CCNJ: variants seen among roughly 807,000 people sequenced by gnomAD.
CCNJ encodes cyclin-J.
Under a neutral mutation model 41.4 loss-of-function variants are expected in CCNJ, and 12 were observed. The observed-to-expected ratio is 0.29, with a 90% confidence interval of 0.19 to 0.47. The LOEUF is 0.47. CCNJ is among the 20% of genes least tolerant of loss of function. CCNJ has a pLI of 1.00. For synonymous variants in CCNJ, 161 were observed against 173.4 expected (o/e 0.93, Z 0.56); for missense variants, 340 against 464.6 (o/e 0.73, Z 2.47).
rs1043280283 is a variant in CCNJ at position 96,059,319 on chromosome 10, G to C, written c.*1078G>C. 1 of 152,634 alleles carries C rather than the reference G, an allele frequency of 6.6e-6. No individual in the cohort carries two copies. Among genetic ancestry groups the C allele is most frequent in the Non-Finnish European group, 1.5e-5 (1 of 68,034 alleles). 9.5% of individuals were successfully genotyped at this position (152,634 alleles called of 1,614,324 possible). ...TGCTAGAGCAGCACTTTGTTATGTG[G>C]AAGACAGGTTTTTTAAGCAACCTTT... On this transcript the variant is annotated 3_prime_UTR_variant, in exon 6 of 6. Transcript: ENST00000465148.
chr10:96,050,802 G>A (rs2080500140), intron 3 of CCNJ, among the ~76,000 whole-genome samples: 1 of 152,190 alleles, frequency 6.6e-6, no homozygotes, highest in Non-Finnish European at 1.5e-5. Flanking sequence ...GAGAACCATT[G>A]TCTTAAAGCA....
In CCNJ at chr10:96,058,588, G is replaced by A; in HGVS notation, c.*347G>A. The A allele has an allele frequency of 2.4e-6, 1 of 418,776 alleles. No homozygotes were observed. Among genetic ancestry groups the A allele is most frequent in the African/African-American group, 2.0e-5 (1 of 49,304 alleles). The allele number at this position is 418,776 out of a possible 1,614,324, so 25.9% of individuals were successfully genotyped here. A position where few individuals can be genotyped will look rare whatever the true frequency, so the allele number is the denominator to read the frequency against. On this transcript the variant is annotated 3_prime_UTR_variant, in exon 6 of 6. Coordinates refer to ENST00000465148, the MANE Select transcript of CCNJ (RefSeq NM_001134375.2). ...ACCTGTGGTAGCATCTGGGCCTAATGTTGGCTTCTAAGTCAAAGACTAAAT... is the reference window on the plus strand; with the variant it reads ...ACCTGTGGTAGCATCTGGGCCTAATATTGGCTTCTAAGTCAAAGACTAAAT...
In CCNJ at chr10:96,057,996, C is replaced by T; in HGVS notation, c.907C>T (p.His303Tyr). 6.2e-7 allele frequency: 1 copy of T among 1,614,132 alleles called. No individual in the cohort carries two copies. Among genetic ancestry groups the T allele is most frequent in the Non-Finnish European group, 8.5e-7 (1 of 1,180,006 alleles). Residue 303 changes from histidine (H) to tyrosine (Y), a missense_variant, in exon 6 of 6, where the codon CAT (histidine) becomes TAT (tyrosine). Around this residue, in one of 3 missense-constraint regions of CCNJ, gnomAD observed 159 missense variants for 168.2 expected, o/e 0.95. Transcript: ENST00000465148. ...ACATCAGACCTCACTGCAGTATCGCCATCCTACGTCAGAACAACCAAGCTG... is the reference window on the plus strand; with the variant it reads ...ACATCAGACCTCACTGCAGTATCGCTATCCTACGTCAGAACAACCAAGCTG... ...QTHQTSLQYR[H>Y]PTSEQPSCQQ... is the part of the protein sequence containing the mutation.
chr10:96,043,402 A>T, upstream of CCNJ: 1 of 365,676 alleles, frequency 2.7e-6, no homozygotes, highest in Non-Finnish European at 4.9e-6. Flanking sequence ...GCCGTGCGGG[A>T]TGCTGACCGT....
At chr10:96,043,865 G>C (rs957237884) in intron 1 of CCNJ, 146 bp downstream of exon 1, 5 of 380,872 alleles carry the variant, frequency 1.3e-5, no homozygotes, top group African/African-American at 1.0e-4. Flanking sequence ...CGTTTCTCGG[G>C]GCTCCCGGGG....
intron 3 of CCNJ, 94 bp from the exon 4 acceptor site, chr10:96,056,607 G>C (rs2080702592): frequency 1.1e-6 from 1 of 881,194 alleles, no homozygotes; most frequent in Admixed American, 2.5e-5. Flanking sequence ...TCTAAATCCT[G>C]GCAATAAGAC....
At chr10:96,052,007 T>C (rs963302050) in intron 3 of CCNJ, among the ~76,000 whole-genome samples, 2 of 152,176 alleles carry the variant, frequency 1.3e-5, no homozygotes, top group African/African-American at 2.4e-5. Flanking sequence ...TGAGCAAAAT[T>C]CTTAGAATAC....
intron 3 of CCNJ, among the ~76,000 whole-genome samples, chr10:96,051,052 T>C (rs1294477184): frequency 6.6e-6 from 1 of 152,224 alleles, no homozygotes; most frequent in African/African-American, 2.4e-5. Context: ...ACCATATTCT[T>C]ATATTAGAAT....
At chr10:96,056,457 T>C (rs1046929864) in intron 3 of CCNJ, among the ~76,000 whole-genome samples, 4 of 152,170 alleles carry the variant, frequency 2.6e-5, no homozygotes, top group Admixed American at 6.5e-5. Context: ...CATTCTATAC[T>C]AGAACACAGA....
chr10:96,043,445 C>A (rs998352438), upstream of CCNJ: 216 of 380,632 alleles, frequency 5.7e-4, 2 homozygotes, highest in East Asian at 8.1e-3. Context: ...CGCCGCCTGG[C>A]GCTGCACCTG....
chr10:96,045,284 T>C (rs1253773969), intron 2 of CCNJ, among the ~76,000 whole-genome samples: 2 of 152,186 alleles, frequency 1.3e-5, no homozygotes, highest in African/African-American at 2.4e-5. Context: ...TCCAAAATGA[T>C]CTCTAGCTTA....
chr10:96,058,274 C>G lies in CCNJ; in HGVS notation c.*33C>G, dbSNP rs760073541. 43 of 1,576,920 alleles carry G rather than the reference C, an allele frequency of 2.7e-5. No homozygotes were observed. Among genetic ancestry groups the G allele is most frequent in the Non-Finnish European group, 3.5e-5 (41 of 1,156,810 alleles). On this transcript the variant is annotated 3_prime_UTR_variant, in exon 6 of 6. Transcript: ENST00000465148. Reference sequence around the variant, plus strand: ...TGAAGCTGATAACCGACCCAGACTGCTTTGTGACATGAAGCTATGGGTAAG... The same window carrying G: ...TGAAGCTGATAACCGACCCAGACTGGTTTGTGACATGAAGCTATGGGTAAG...
rs921929084 is a variant in CCNJ, at chr10:96,052,095, C to A, written c.280+1629C>A. Reference sequence around the variant, plus strand: ...TCAGACACTTCACTCATCCCTCATCCCCCTACCCAGGAGCCAGAGAGGTAA... The same window carrying A: ...TCAGACACTTCACTCATCCCTCATCACCCTACCCAGGAGCCAGAGAGGTAA... On this transcript the variant is annotated intron_variant, in intron 3 of 5. Transcript: ENST00000465148. 3.8e-4 allele frequency among the ~76,000 whole-genome samples: 57 copies of A among 149,240 alleles called. 2 individuals are homozygous for A. Among genetic ancestry groups the A allele is most frequent in the African/African-American group, 1.3e-3 (54 of 40,464 alleles).
intron 3 of CCNJ, 114 bp from the exon 4 acceptor site, chr10:96,056,587 C>T (rs1023190131): frequency 5.4e-5 from 40 of 736,970 alleles, no homozygotes; most frequent in East Asian, 4.3e-4. Flanking sequence ...AAGGTAAGTA[C>T]GTCTTTGGAT....
At position 96,058,623 on chromosome 10, in the gene CCNJ, A is replaced by C; in HGVS notation, c.*382A>C. The C allele has an allele frequency of 2.5e-6, 1 of 405,682 alleles. No homozygotes were observed. The highest frequency in any genetic ancestry group is 4.1e-5 in the Admixed American group (1 of 24,162). The allele number at this position is 405,682 out of a possible 1,614,324, so 25.1% of individuals were successfully genotyped here. A position where few individuals can be genotyped will look rare whatever the true frequency, so the allele number is the denominator to read the frequency against. On this transcript the variant is annotated 3_prime_UTR_variant, in exon 6 of 6. Transcript: ENST00000465148. ...AAGTCAAAGACTAAATGTTTATCTC[A>C]TCTATGGACTTGCCAAACAGTCTTT...
chr10:96,052,557 T>C (rs1007028681), intron 3 of CCNJ, among the ~76,000 whole-genome samples: 2 of 152,234 alleles, frequency 1.3e-5, no homozygotes, highest in Admixed American at 1.3e-4. Context: ...AGTTTTCAAT[T>C]GTTCTTATTT....
At chr10:96,046,494 A>G (rs1186546595) in intron 2 of CCNJ, among the ~76,000 whole-genome samples, 2 of 152,200 alleles carry the variant, frequency 1.3e-5, no homozygotes, top group African/African-American at 4.8e-5. Context: ...TTTCTTCAAC[A>G]TGTTGATCAT....
chr10:96,057,657 T>C (rs1460638738), intron 5 of CCNJ, among the ~76,000 whole-genome samples, 173 bp from the exon 6 acceptor site: 2 of 152,152 alleles, frequency 1.3e-5, no homozygotes, highest in African/African-American at 2.4e-5. Context: ...TCAAGGGAAA[T>C]AGCTTTAGAA....
At position 96,056,682 on chromosome 10, in the gene CCNJ, C is replaced by T. The variant is rs941173437; in HGVS notation, c.281-19C>T. 1 of 1,556,516 alleles carries T rather than the reference C, an allele frequency of 6.4e-7. No homozygotes were observed. Among genetic ancestry groups the T allele is most frequent in the East Asian group, 2.2e-5 (1 of 44,616 alleles). The stretch of plus-strand genomic sequence containing the variant: ...TTGCCTGACATTTTCTCTCCCCTCC[C>T]ATCCCCTTTTCTTATAAGGTAAATT... On this transcript the variant is annotated intron_variant, in intron 3 of 5. Coordinates refer to ENST00000465148, the MANE Select transcript of CCNJ (RefSeq NM_001134375.2).
Sources: gnomAD v4.1 joint callset for allele counts (sites outside exome capture counted in the v4.1 genomes callset) on GRCh38, gnomAD v4.1.1 for gene constraint, gnomAD v4.1.1 regional missense constraint, MANE v1.5 for transcripts, NCBI Gene and HGNC (gene_info 2026-07-23, HGNC 2026-07-21) for gene names.